The following BBX variants were observed in gnomAD, a reference collection of about 807,000 sequenced individuals.
BBX encodes BBX high mobility group box domain containing, also known as HMG box transcription factor BBX.
BBX carries 30 observed loss-of-function variants against 100.2 expected under a neutral mutation model. The observed-to-expected ratio is 0.30, with a 90% CI of 0.22 to 0.41. The LOEUF (loss-of-function observed/expected upper bound fraction) is 0.41, where lower values mean the gene tolerates loss of function less well. Ranked by LOEUF, BBX falls within the 10% of genes least tolerant of loss-of-function variation. The pLI is 1.00. For synonymous variants in BBX, 376 were observed against 388.1 expected, an observed-to-expected ratio of 0.97 and a Z score of 0.37; for missense variants, 1,023 against 1,129.8, an observed-to-expected ratio of 0.91 and a Z score of 1.35.
At chr3:107,628,339 G>A (rs1227032544) in intron 2 of BBX, among the ~76,000 whole-genome samples, 2 of 151,838 alleles carry the variant, frequency 1.3e-5, no homozygotes, top group Non-Finnish European at 2.9e-5. Context: ...TTGTGTGCAT[G>A]TGCAAATAAA....
intron 2 of BBX, among the ~76,000 whole-genome samples, chr3:107,540,987 A>G (rs913528870): frequency 6.6e-6 from 1 of 152,182 alleles, no homozygotes; most frequent in Non-Finnish European, 1.5e-5. Context: ...GCATCATCAG[A>G]GTTGGGGAGA....
chr3:107,629,480 T>A (rs2056412959), intron 2 of BBX, among the ~76,000 whole-genome samples: 1 of 152,202 alleles, frequency 6.6e-6, no homozygotes, highest in South Asian at 2.1e-4. Flanking sequence ...TACTGTGAAA[T>A]AACTGGGCAG....
chr3:107,754,242 G>T (rs571737968), intron 9 of BBX, among the ~76,000 whole-genome samples: 1 of 152,288 alleles, frequency 6.6e-6, no homozygotes, highest in African/African-American at 2.4e-5. Flanking sequence ...ACTGAGAGCC[G>T]GTGGTATTAA....
intron 2 of BBX, among the ~76,000 whole-genome samples, chr3:107,582,289 A>G (rs2052343362): frequency 6.6e-6 from 1 of 151,794 alleles, no homozygotes; most frequent in African/African-American, 2.4e-5. Context: ...CATATGTGGA[A>G]GCTTTTTTTT....
At chr3:107,637,318 A>G (rs1290164585) in intron 2 of BBX, among the ~76,000 whole-genome samples, 2 of 152,224 alleles carry the variant, frequency 1.3e-5, no homozygotes, top group South Asian at 2.1e-4. Flanking sequence ...TCTCTGACTG[A>G]GCATTGACAG....
intron 13 of BBX, among the ~76,000 whole-genome samples, chr3:107,784,769 A>G (rs913722463): frequency 1.1e-4 from 17 of 151,868 alleles, no homozygotes; most frequent in African/African-American, 1.9e-4. Flanking sequence ...GAGTAAACCA[A>G]ACTCAAAGGA....
chr3:107,763,363 A>G (rs1417666258), intron 10 of BBX, among the ~76,000 whole-genome samples: 1 of 151,786 alleles, frequency 6.6e-6, no homozygotes, highest in African/African-American at 2.4e-5. Flanking sequence ...CTTTTTATCT[A>G]GTACACCTAA....
chr3:107,741,113 C>T (rs1183122738), intron 7 of BBX, among the ~76,000 whole-genome samples: 1 of 151,738 alleles, frequency 6.6e-6, no homozygotes, highest in Non-Finnish European at 1.5e-5. Flanking sequence ...GGCTCAGATA[C>T]TACCAGTGCA....
At chr3:107,667,374 G>A (rs893640258) in intron 3 of BBX, among the ~76,000 whole-genome samples, 1 of 151,964 alleles carries the variant, frequency 6.6e-6, no homozygotes, top group African/African-American at 2.4e-5. Context: ...GCTTGAAAGT[G>A]CTTCATAAAA....
At chr3:107,657,864 A>G (rs1441111677) in intron 3 of BBX, among the ~76,000 whole-genome samples, 1 of 152,292 alleles carries the variant, frequency 6.6e-6, no homozygotes, top group South Asian at 2.1e-4. Flanking sequence ...TAATATGCCT[A>G]AAGTGGAATT....
intron 2 of BBX, among the ~76,000 whole-genome samples, chr3:107,614,710 A>AT (rs1253026510): frequency 6.6e-6 from 1 of 152,106 alleles, no homozygotes; most frequent in Non-Finnish European, 1.5e-5. Flanking sequence ...GTTATACTGT[A>AT]TTTTTTATTG....
intron 2 of BBX, among the ~76,000 whole-genome samples, chr3:107,551,145 G>A (rs1330590597): frequency 6.6e-6 from 1 of 152,096 alleles, no homozygotes; most frequent in Non-Finnish European, 1.5e-5. Context: ...TTTATACACT[G>A]TAAATATATT....
At chr3:107,724,947 A>G (rs1365532615) in intron 5 of BBX, among the ~76,000 whole-genome samples, 1 of 152,212 alleles carries the variant, frequency 6.6e-6, no homozygotes, top group Non-Finnish European at 1.5e-5. Context: ...CTGTGAAGAA[A>G]GGCATTGGTA....
chr3:107,525,135 CA>C (rs1184279590), intron 1 of BBX, among the ~76,000 whole-genome samples: 3 of 148,874 alleles, frequency 2.0e-5, no homozygotes, highest in Admixed American at 1.3e-4. Context: ...GCCAGCGGCC[CA>C]GGGGCGCCGG....
chr3:107,619,591 T>G (rs568403125), intron 2 of BBX, among the ~76,000 whole-genome samples: 3 of 152,204 alleles, frequency 2.0e-5, no homozygotes, highest in African/African-American at 7.2e-5. Context: ...CTTTTTCTTC[T>G]CCGTTTATTG....
Position 107,633,975 on chromosome 3 carries a change from G to A in BBX, c.-83-11861G>A, listed in dbSNP as rs114565306. Among the ~76,000 whole-genome samples the A allele has an allele frequency of 2.5e-3, 378 of 152,240 alleles. 2 individuals carry two copies. The highest frequency in any genetic ancestry group is 8.4e-3 in the African/African-American group (350 of 41,562). On this transcript the variant is annotated intron_variant, in intron 2 of 17. Transcript: ENST00000325805. ...TAGACAGATAGCACCAGATAGAGTG[G>A]GCTTTCATCTCTTCTTGCTAGCCAG...
chr3:107,622,303 G>A (rs76529987), intron 2 of BBX, among the ~76,000 whole-genome samples: 116 of 152,136 alleles, frequency 7.6e-4, no homozygotes, highest in African/African-American at 2.6e-3. Flanking sequence ...TCAGTAGTTC[G>A]TTATATGTAA....
At chr3:107,557,859 T>C (rs1451347467) in intron 2 of BBX, among the ~76,000 whole-genome samples, 1 of 152,204 alleles carries the variant, frequency 6.6e-6, no homozygotes, top group Non-Finnish European at 1.5e-5. Context: ...AAGGGATAGA[T>C]AGACTCCTAT....
chr3:107,542,352 T>A lies in BBX; in HGVS notation c.-84+15954T>A, dbSNP rs1351431536. On this transcript the variant is annotated intron_variant, in intron 2 of 17. Coordinates refer to ENST00000325805, the MANE Select transcript of BBX (RefSeq NM_001142568.3). ...TGTCATTACTTCAACTCAGTTTTCA[T>A]AATTTGTATTTGAGTATACTAACTT... 4.6e-5 allele frequency among the ~76,000 whole-genome samples: 7 copies of A among 152,222 alleles called. No homozygotes were observed. In the South Asian group the frequency reaches 8.3e-4, roughly 18 times the overall value.
Sources: gnomAD v4.1 joint callset for allele counts (sites outside exome capture counted in the v4.1 genomes callset) on GRCh38, gnomAD v4.1.1 for gene constraint, MANE v1.5 for transcripts, NCBI Gene and HGNC (gene_info 2026-07-23, HGNC 2026-07-21) for gene names.